Variants in PPP2R5A observed in about 807,000 individuals in gnomAD.
The protein encoded by PPP2R5A is serine/threonine-protein phosphatase 2A 56 kDa regulatory subunit alpha isoform.
A neutral mutation model predicts 64.2 loss-of-function variants in PPP2R5A; 25 were observed. The ratio of observed to expected loss-of-function variants is 0.39; its 90% CI spans 0.28 to 0.54. The LOEUF (loss-of-function observed/expected upper bound fraction) is 0.54. PPP2R5A is among the 20% of genes least tolerant of loss of function. The pLI, the probability that PPP2R5A is intolerant of heterozygous loss-of-function variation, is 0.67. For synonymous variants in PPP2R5A, 198 were observed against 201.2 expected (o/e 0.98, Z 0.13); for missense variants, 425 against 576.3 (o/e 0.74, Z 2.69).
rs773632575 is a variant in PPP2R5A at position 212,360,749 on chromosome 1, C to T, written c.1440C>T (p.Leu480=). 1.3e-6 allele frequency: 2 copies of T among 1,547,214 alleles called. No individual in the cohort carries two copies. The highest frequency in any genetic ancestry group is 1.7e-6 in the Non-Finnish European group (2 of 1,154,120). The change falls in exon 13 of 13, where the codon CTC becomes CTT. Residue 480 remains leucine (L), a synonymous_variant. Coordinates refer to ENST00000261461, the MANE Select transcript of PPP2R5A (RefSeq NM_006243.4). Reference sequence around the variant, plus strand: ...GTGCTTACAACATGCACAGTATTCTCAGCAATACAAGTGCCGAATAAAAAA... The same window carrying T: ...GTGCTTACAACATGCACAGTATTCTTAGCAATACAAGTGCCGAATAAAAAA... ...QNSAYNMHSI[L]SNTSAE is the part of the protein sequence containing the mutation.
At chr1:212,305,062 G>T (rs1212624464) in intron 1 of PPP2R5A, among the ~76,000 whole-genome samples, 1 of 119,548 alleles carries the variant, frequency 8.4e-6, no homozygotes, top group African/African-American at 3.6e-5. Flanking sequence ...TTTTTGAGAC[G>T]GAGTCTCGCT....
chr1:212,305,070 G>A (rs1174118520), intron 1 of PPP2R5A, among the ~76,000 whole-genome samples: 3 of 116,710 alleles, frequency 2.6e-5, no homozygotes, highest in African/African-American at 7.2e-5. Context: ...ACGGAGTCTC[G>A]CTCTCTGTCA....
At chr1:212,351,194 G>C (rs1571610862) in intron 8 of PPP2R5A, among the ~76,000 whole-genome samples, 2 of 152,120 alleles carry the variant, frequency 1.3e-5, no homozygotes, top group Middle Eastern at 6.8e-3. Flanking sequence ...GCTGAGTTGG[G>C]TTAATGAAAA....
At chr1:212,286,629 T>C (rs1658509344) in intron 1 of PPP2R5A, among the ~76,000 whole-genome samples, 1 of 152,230 alleles carries the variant, frequency 6.6e-6, no homozygotes, top group African/African-American at 2.4e-5. Flanking sequence ...AGGTTTGCCC[T>C]TTCCCGGTCT....
At chr1:212,289,797 A>G (rs1571570439) in intron 1 of PPP2R5A, among the ~76,000 whole-genome samples, 1 of 152,256 alleles carries the variant, frequency 6.6e-6, no homozygotes, top group East Asian at 1.9e-4. Context: ...ACTTACTTAA[A>G]TGGTAAACTT....
intron 1 of PPP2R5A, among the ~76,000 whole-genome samples, chr1:212,320,495 G>A (rs1365252729): frequency 2.6e-5 from 4 of 152,128 alleles, no homozygotes; most frequent in Non-Finnish European, 5.9e-5. Context: ...CTGGACAGAG[G>A]GGCTCCTCAC....
At position 212,291,461 on chromosome 1, in the gene PPP2R5A, A is replaced by G. The variant is rs574043153; in HGVS notation, c.181+5170A>G. On this transcript the variant is annotated intron_variant, in intron 1 of 12. Coordinates refer to ENST00000261461, the MANE Select transcript of PPP2R5A (RefSeq NM_006243.4). ...CACATCCCTAAGAGATTGTAAATTA[A>G]TTGGCCTAAGGTAAAATCCACTTAC... 5.9e-5 allele frequency among the ~76,000 whole-genome samples: 9 copies of G among 152,334 alleles called. No homozygotes were observed. In the South Asian group the frequency reaches 1.9e-3, roughly 32 times the overall value.
intron 1 of PPP2R5A, among the ~76,000 whole-genome samples, chr1:212,292,143 G>T (rs1658611844): frequency 6.6e-6 from 1 of 152,150 alleles, no homozygotes; most frequent in African/African-American, 2.4e-5. Context: ...GAGTGTTTTC[G>T]TGTCTATCAT....
rs553132303 is a variant in PPP2R5A, at chr1:212,357,445, T to C, written c.1226+161T>C. 8 of 578,174 alleles carry C rather than the reference T, an allele frequency of 1.4e-5. No individual in the cohort carries two copies. The East Asian group carries it at 2.7e-4, about 20-fold the overall frequency. 35.8% of individuals were successfully genotyped at this position (578,174 alleles called of 1,614,324 possible). On this transcript the variant is annotated intron_variant, in intron 11 of 12. Transcript: ENST00000261461. ...TTCTGTATTTTATATACGTATACCT[T>C]TATCAAGTTATAAATGTGTGTGTTT...
At chr1:212,306,463 T>A (rs1044492246) in intron 1 of PPP2R5A, among the ~76,000 whole-genome samples, 8 of 152,186 alleles carry the variant, frequency 5.3e-5, no homozygotes, top group Non-Finnish European at 1.0e-4. Context: ...TTTAAAAATA[T>A]ATACAGTTTG....
chr1:212,326,783 A>T (rs776605996), intron 1 of PPP2R5A, among the ~76,000 whole-genome samples: 30 of 152,260 alleles, frequency 2.0e-4, no homozygotes, highest in Admixed American at 1.4e-3. Context: ...GTGTGGAGCT[A>T]TCTTATTTTA....
intron 1 of PPP2R5A, among the ~76,000 whole-genome samples, chr1:212,298,948 T>C (rs578015615): frequency 7.8e-5 from 1 of 12,784 alleles, no homozygotes; most frequent in Non-Finnish European, 1.4e-4. Flanking sequence ...ACCTCCCTCC[T>C]GGACGGGGCG....
intron 3 of PPP2R5A, among the ~76,000 whole-genome samples, chr1:212,340,570 A>T (rs1659670284): frequency 6.6e-6 from 1 of 152,252 alleles, no homozygotes; most frequent in Admixed American, 6.5e-5. Flanking sequence ...CCCCAAAGCA[A>T]AATTATCTTT....
At chr1:212,286,655 A>G (rs934311804) in intron 1 of PPP2R5A, among the ~76,000 whole-genome samples, 4 of 152,074 alleles carry the variant, frequency 2.6e-5, no homozygotes, top group African/African-American at 9.7e-5. Flanking sequence ...TAACAACCGC[A>G]CGAACCTTCC....
intron 12 of PPP2R5A, among the ~76,000 whole-genome samples, chr1:212,359,716 T>C (rs570662534): frequency 2.6e-5 from 4 of 152,338 alleles, no homozygotes; most frequent in African/African-American, 9.6e-5. Flanking sequence ...AGAAAATGGA[T>C]AGCCTTTCTT....
At chr1:212,353,736 TA>T (rs1274369349) in intron 8 of PPP2R5A, among the ~76,000 whole-genome samples, 4 of 152,336 alleles carry the variant, frequency 2.6e-5, no homozygotes, top group Non-Finnish European at 2.9e-5. Context: ...GATTTTAGAA[TA>T]AATGTTTCTA....
intron 1 of PPP2R5A, among the ~76,000 whole-genome samples, chr1:212,307,295 A>T (rs894438266): frequency 2.0e-5 from 3 of 148,698 alleles, no homozygotes; most frequent in Admixed American, 2.0e-4. Context: ...TGGGTTTATT[A>T]TATGCATTTT....
Position 212,357,299 on chromosome 1 carries a change from T to A in PPP2R5A, c.1226+15T>A, listed in dbSNP as rs1659993790. Reference sequence around the variant, plus strand: ...CACTGGAATCCGTAAGTATCTTTTATATAGGTCGTATTTTTTTCTTTTTTT... The same window carrying A: ...CACTGGAATCCGTAAGTATCTTTTAAATAGGTCGTATTTTTTTCTTTTTTT... On this transcript the variant is annotated intron_variant, in intron 11 of 12. Transcript: ENST00000261461. 1.9e-6 allele frequency: 3 copies of A among 1,541,548 alleles called. No individual in the cohort carries two copies. Among genetic ancestry groups the A allele is most frequent in the Non-Finnish European group, 2.6e-6 (3 of 1,150,228 alleles).
At chr1:212,349,713 T>G (rs1277151426) in intron 8 of PPP2R5A, among the ~76,000 whole-genome samples, 10 of 152,218 alleles carry the variant, frequency 6.6e-5, no homozygotes. Context: ...GATTAAGATA[T>G]AAGATGTAAT....
Sources: allele counts gnomAD v4.1 joint callset (sites outside exome capture counted in the v4.1 genomes callset), GRCh38; gene constraint gnomAD v4.1.1; transcripts MANE v1.5; gene names NCBI Gene and HGNC (gene_info 2026-07-23, HGNC 2026-07-21).